Variants in ERG observed in about 807,000 individuals in gnomAD.
The protein encoded by ERG is ETS transcription factor ERG.
A neutral mutation model predicts 55.3 loss-of-function variants in ERG; 9 were observed. That is an observed-to-expected ratio of 0.16 (90% CI 0.10 to 0.28). The LOEUF is 0.28. Among genes scored for constraint, ERG ranks in the 10% least tolerant of loss-of-function variants. The pLI, the probability that ERG is intolerant of heterozygous loss-of-function variation, is 1.00. For synonymous variants in ERG, 223 were observed against 237.3 expected (o/e 0.94, Z 0.55); for missense variants, 434 against 631.6 (o/e 0.69, Z 3.35).
At chr21:38,535,933 T>TA (rs1010924606) in intron 2 of ERG, among the ~76,000 whole-genome samples, 14 of 151,920 alleles carry the variant, frequency 9.2e-5, no homozygotes, top group African/African-American at 3.1e-4. Context: ...CAATTTTTTT[T>TA]AATCAACACT....
chr21:38,408,340 G>C (rs974043214), intron 3 of ERG, among the ~76,000 whole-genome samples: 1 of 152,182 alleles, frequency 6.6e-6, no homozygotes, highest in Non-Finnish European at 1.5e-5. Flanking sequence ...CATTTCCTGA[G>C]CCAATGCCTC....
At chr21:38,559,586 C>T (rs2059880079) in intron 2 of ERG, among the ~76,000 whole-genome samples, 1 of 152,096 alleles carries the variant, frequency 6.6e-6, no homozygotes, top group Non-Finnish European at 1.5e-5. Flanking sequence ...ACAGTAGAGG[C>T]AGGTAATATA....
chr21:38,558,208 G>A (rs559268338), intron 2 of ERG, among the ~76,000 whole-genome samples: 1 of 152,208 alleles, frequency 6.6e-6, no homozygotes, highest in East Asian at 1.9e-4. Context: ...GAAGAGGCAA[G>A]GAGATGACAG....
intron 2 of ERG, among the ~76,000 whole-genome samples, chr21:38,515,809 G>A (rs890858552): frequency 6.6e-6 from 1 of 152,018 alleles, no homozygotes. Flanking sequence ...ATGTATCCCA[G>A]AGATGCAAGG....
At chr21:38,433,618 G>C (rs544806416) in intron 2 of ERG, among the ~76,000 whole-genome samples, 3 of 151,316 alleles carry the variant, frequency 2.0e-5, no homozygotes, top group Non-Finnish European at 3.0e-5. Flanking sequence ...GCACAGCCGT[G>C]GCCATTAGCT....
At chr21:38,470,831 T>G (rs1191814594) in intron 1 of ERG, 2 of 152,240 alleles carry the variant, frequency 1.3e-5, no homozygotes, top group African/African-American at 2.4e-5. Flanking sequence ...TAATTGAGTG[T>G]GTGCATTTTG....
At chr21:38,480,634 A>G (rs936677319) in intron 1 of ERG, among the ~76,000 whole-genome samples, 1 of 110,102 alleles carries the variant, frequency 9.1e-6, no homozygotes, top group Non-Finnish European at 1.7e-5. Context: ...AGTTAGGTCA[A>G]TTTCCAAAAG....
chr21:38,498,325 AC>A lies in ERG; in HGVS notation c.18+37del. 1 of 1,587,110 alleles carries A rather than the reference AC, an allele frequency of 6.3e-7. No individual in the cohort carries two copies. Among genetic ancestry groups the A allele is most frequent in the Non-Finnish European group, 8.6e-7 (1 of 1,157,278 alleles). ...GAAACCAAAGAAAAGAGTAACAAGA[AC>A]AAGATTTTGTCAAATTAAAAGGAAC... On this transcript the variant is annotated intron_variant, in intron 1 of 9. Coordinates refer to ENST00000288319, the MANE Select transcript of ERG (RefSeq NM_182918.4). The surrounding 1 kb of genome is among the most constrained non-coding windows in gnomAD (Gnocchi z 4.6).
chr21:38,597,226 T>C (rs1032365704), intron 1 of ERG, among the ~76,000 whole-genome samples: 2 of 152,172 alleles, frequency 1.3e-5, no homozygotes, highest in Admixed American at 6.5e-5. Flanking sequence ...TGCATACATA[T>C]GTATATACAC....
At chr21:38,422,988 C>G (rs888265967) in intron 3 of ERG, among the ~76,000 whole-genome samples, 2 of 152,030 alleles carry the variant, frequency 1.3e-5, no homozygotes, top group African/African-American at 4.8e-5. Flanking sequence ...GGTCACCTTT[C>G]ATAGACATAT....
intron 2 of ERG, among the ~76,000 whole-genome samples, chr21:38,546,535 G>T (rs576669225): frequency 1.3e-5 from 2 of 152,212 alleles, no homozygotes; most frequent in Non-Finnish European, 2.9e-5. Context: ...TGACACAAGC[G>T]CCCACAAACC....
the ERG span, among the ~76,000 whole-genome samples, chr21:38,371,395 A>G: frequency 2.0e-5 from 3 of 151,900 alleles, no homozygotes; most frequent in African/African-American, 7.2e-5. Flanking sequence ...TTTCCTTACC[A>G]TAGTATTCTG....
intron 2 of ERG, among the ~76,000 whole-genome samples, chr21:38,573,622 T>C (rs2146860520): frequency 6.6e-6 from 1 of 152,320 alleles, no homozygotes; most frequent in Middle Eastern, 3.4e-3. Context: ...TGCTCACATG[T>C]TTTTTGCTGA....
At chr21:38,412,758 T>C (rs1989115855) in intron 3 of ERG, among the ~76,000 whole-genome samples, 1 of 152,242 alleles carries the variant, frequency 6.6e-6, no homozygotes, top group Admixed American at 6.5e-5. Flanking sequence ...TTTAACCTTC[T>C]GCTTAATCAT....
chr21:38,514,526 TA>T (rs1400816898), intron 2 of ERG, among the ~76,000 whole-genome samples: 2 of 151,922 alleles, frequency 1.3e-5, no homozygotes, highest in Non-Finnish European at 2.9e-5. Context: ...GAAAAGCACT[TA>T]ATAACATTCA....
intron 2 of ERG, among the ~76,000 whole-genome samples, chr21:38,438,987 C>T (rs913457520): frequency 2.0e-5 from 3 of 152,206 alleles, no homozygotes; most frequent in Admixed American, 6.5e-5. Context: ...CTGCTGGTCC[C>T]GGAGCCCACG....
At chr21:38,538,092 T>G (rs2059724957) in intron 2 of ERG, among the ~76,000 whole-genome samples, 1 of 152,174 alleles carries the variant, frequency 6.6e-6, no homozygotes, top group Admixed American at 6.5e-5. Context: ...TGCTGTACGA[T>G]TCCACTTGTG....
intron 1 of ERG, among the ~76,000 whole-genome samples, chr21:38,611,766 G>C (rs2060228758): frequency 6.6e-6 from 1 of 152,130 alleles, no homozygotes; most frequent in Non-Finnish European, 1.5e-5. Context: ...ACATTCATCT[G>C]TTTGGCTCCC....
At chr21:38,520,055 AG>A (rs2059583091) in intron 2 of ERG, among the ~76,000 whole-genome samples, 1 of 151,890 alleles carries the variant, frequency 6.6e-6, no homozygotes, top group South Asian at 2.1e-4. Context: ...AAAAACTTCC[AG>A]GGTTACTTTT....
Sources: gnomAD v4.1 joint callset for allele counts (sites outside exome capture counted in the v4.1 genomes callset) on GRCh38, gnomAD v4.1.1 for gene constraint, Gnocchi (gnomAD v3.1) non-coding constraint, MANE v1.5 for transcripts, NCBI Gene and HGNC (gene_info 2026-07-23, HGNC 2026-07-21) for gene names.